The following LPP variants were observed in gnomAD, a reference collection of about 807,000 sequenced individuals.
LPP encodes the protein lipoma-preferred partner.
LPP carries 38 observed loss-of-function variants against 60.4 expected under a neutral mutation model. That is an observed-to-expected ratio of 0.63 (90% CI 0.49 to 0.83). The LOEUF is 0.83. LPP is among the 40% of genes least tolerant of loss of function. LPP has a pLI of 0.00. For missense variants in LPP, 902 were observed against 783.6 expected (o/e 1.15, Z -1.80); for synonymous variants, 328 against 290.8 (o/e 1.13, Z -1.30).
chr3:188,741,788 A>C (rs1724528359), intron 8 of LPP, among the ~76,000 whole-genome samples: 2 of 152,056 alleles, frequency 1.3e-5, no homozygotes, highest in African/African-American at 4.8e-5. Flanking sequence ...TAAAAATGAT[A>C]AATTTGATTT....
At chr3:188,778,539 G>C (rs1738552400) in intron 9 of LPP, among the ~76,000 whole-genome samples, 1 of 152,102 alleles carries the variant, frequency 6.6e-6, no homozygotes, top group Non-Finnish European at 1.5e-5. Flanking sequence ...AAAGATTCTA[G>C]GTAAACAGTC....
At chr3:188,327,788 G>A (rs1157852376) in intron 2 of LPP, among the ~76,000 whole-genome samples, 2 of 152,158 alleles carry the variant, frequency 1.3e-5, no homozygotes, top group Admixed American at 6.5e-5. Flanking sequence ...TAGTGCTAGG[G>A]AGAGAGGGAA....
chr3:188,663,176 G>A (rs903606762), intron 7 of LPP, among the ~76,000 whole-genome samples: 1 of 152,234 alleles, frequency 6.6e-6, no homozygotes. Flanking sequence ...GTGTGAATGT[G>A]AGCCTGTGCA....
chr3:188,611,910 G>A (rs1843793220), intron 7 of LPP, among the ~76,000 whole-genome samples: 1 of 152,192 alleles, frequency 6.6e-6, no homozygotes, highest in Admixed American at 6.5e-5. Context: ...GCTGGGTCCA[G>A]CCACATCCCT....
chr3:188,650,367 C>T lies in LPP; in HGVS notation c.1113+40523C>T, dbSNP rs60252200. Among the ~76,000 whole-genome samples the T allele has an allele frequency of 2.0e-5, 3 of 152,250 alleles. 1 individual carries two copies. The highest frequency in any genetic ancestry group is 6.5e-5 in the Admixed American group (1 of 15,296). On this transcript the variant is annotated intron_variant, in intron 7 of 11. Coordinates refer to ENST00000617246, the MANE Select transcript of LPP (RefSeq NM_001375462.1). ...ATCCCCTGTACTCATCATTTATTCCCTGATTTACTGCGTTTTATTCTGTAT... is the reference window on the plus strand; with the variant it reads ...ATCCCCTGTACTCATCATTTATTCCTTGATTTACTGCGTTTTATTCTGTAT...
intron 2 of LPP, among the ~76,000 whole-genome samples, chr3:188,263,243 A>G (rs1298297738): frequency 1.3e-5 from 2 of 152,208 alleles, no homozygotes; most frequent in African/African-American, 4.8e-5. Flanking sequence ...ACAATGACAC[A>G]GTGATTTATG....
intron 3 of LPP, among the ~76,000 whole-genome samples, chr3:188,388,372 G>A (rs1778869954): frequency 1.3e-5 from 2 of 152,090 alleles, no homozygotes; most frequent in African/African-American, 4.8e-5. Flanking sequence ...AAATTGTCTT[G>A]ACAATAAACA....
rs79202297 is a variant in LPP, at chr3:188,750,116, G to A, written c.1241-9997G>A. ...CTACCTCCTCACATGGCAGACAGTGGAAGAGCAAGCCAGCAGAATGCCGCA... is the reference window on the plus strand; with the variant it reads ...CTACCTCCTCACATGGCAGACAGTGAAAGAGCAAGCCAGCAGAATGCCGCA... On this transcript the variant is annotated intron_variant, in intron 8 of 11. Transcript: ENST00000617246. Among the ~76,000 whole-genome samples the A allele has an allele frequency of 8.4e-3, 1,279 of 152,278 alleles. 5 individuals carry two copies. Among genetic ancestry groups the A allele is most frequent in the Non-Finnish European group, 0.014 (962 of 68,024 alleles).
intron 7 of LPP, among the ~76,000 whole-genome samples, chr3:188,682,221 T>C (rs1405314434): frequency 1.3e-5 from 2 of 152,224 alleles, no homozygotes; most frequent in African/African-American, 4.8e-5. Context: ...GAATTTGCTA[T>C]ATTAATAGCA....
At chr3:188,277,633 C>G (rs1221105612) in intron 2 of LPP, among the ~76,000 whole-genome samples, 1 of 152,162 alleles carries the variant, frequency 6.6e-6, no homozygotes, top group Non-Finnish European at 1.5e-5. Context: ...TTCTTAATCT[C>G]TCTAAGAGAC....
intron 4 of LPP, among the ~76,000 whole-genome samples, chr3:188,435,739 A>G (rs1401636991): frequency 1.3e-5 from 2 of 152,178 alleles, no homozygotes; most frequent in South Asian, 2.1e-4. Context: ...AGGTTTGTTT[A>G]TTACATCAGT....
chr3:188,282,099 G>T (rs1323667107), intron 2 of LPP, among the ~76,000 whole-genome samples: 1 of 149,570 alleles, frequency 6.7e-6, no homozygotes, highest in Non-Finnish European at 1.5e-5. Context: ...CTTACCGTTC[G>T]TCTCCTTTTC....
At chr3:188,678,216 C>T (rs1267844257) in intron 7 of LPP, among the ~76,000 whole-genome samples, 1 of 152,226 alleles carries the variant, frequency 6.6e-6, no homozygotes, top group Admixed American at 6.5e-5. Context: ...TCTTACAACA[C>T]GCTTTCCTCA....
At chr3:188,553,297 G>A (rs547030971) in intron 6 of LPP, among the ~76,000 whole-genome samples, 55 of 152,192 alleles carry the variant, frequency 3.6e-4, no homozygotes, top group African/African-American at 1.3e-3. Flanking sequence ...CCTCTAGCCT[G>A]TGAGAATGCC....
Position 188,769,135 on chromosome 3 carries a change from G to A in LPP, c.1410+8853G>A, listed in dbSNP as rs573894538. ...AAATATCTAGGTAAAACTTTAAAAC[G>A]TATAAATGATCTAAGTGAGGAATGC... is the stretch of plus-strand genomic sequence containing the variant. On this transcript the variant is annotated intron_variant, in intron 9 of 11. Coordinates refer to ENST00000617246, the MANE Select transcript of LPP (RefSeq NM_001375462.1). Among the ~76,000 whole-genome samples, 235 of 152,210 alleles carry A rather than the reference G, an allele frequency of 1.5e-3. 1 individual carries two copies. Among genetic ancestry groups the A allele is most frequent in the African/African-American group, 5.2e-3 (215 of 41,528 alleles).
At chr3:188,531,223 AAAT>A (rs1370466567) in intron 6 of LPP, among the ~76,000 whole-genome samples, 5 of 152,176 alleles carry the variant, frequency 3.3e-5, no homozygotes, top group Non-Finnish European at 7.4e-5. Context: ...TGATACTGTG[AAAT>A]AATAAGAAAT....
At chr3:188,762,831 C>T (rs1158844232) in intron 9 of LPP, among the ~76,000 whole-genome samples, 1 of 151,428 alleles carries the variant, frequency 6.6e-6, no homozygotes, top group Non-Finnish European at 1.5e-5. Flanking sequence ...TTAATGAGAT[C>T]TATTCGTGGT....
intron 7 of LPP, among the ~76,000 whole-genome samples, chr3:188,614,500 T>C (rs1844488333): frequency 6.6e-6 from 1 of 152,184 alleles, no homozygotes; most frequent in African/African-American, 2.4e-5. Flanking sequence ...GTAATTCCTC[T>C]TTGTACAGAC....
chr3:188,205,685 C>G (rs950808892), intron 1 of LPP, among the ~76,000 whole-genome samples: 4 of 152,122 alleles, frequency 2.6e-5, no homozygotes, highest in African/African-American at 9.7e-5. Flanking sequence ...AAATGCAGAG[C>G]TGCTTGTTAA....
Sources: allele counts gnomAD v4.1 joint callset (sites outside exome capture counted in the v4.1 genomes callset), GRCh38; gene constraint gnomAD v4.1.1; transcripts MANE v1.5; gene names NCBI Gene and HGNC (gene_info 2026-07-23, HGNC 2026-07-21).